AMD1: variants seen among roughly 807,000 people sequenced by gnomAD.
The protein encoded by AMD1 is adenosylmethionine decarboxylase 1.
In AMD1, 11 loss-of-function variants were observed where a neutral mutation model predicts 40.2. The ratio of observed to expected loss-of-function variants is 0.27; its 90% CI spans 0.17 to 0.45. The LOEUF (loss-of-function observed/expected upper bound fraction) is 0.45. Ranked by LOEUF, AMD1 falls within the 20% of genes least tolerant of loss-of-function variation. The probability of loss-of-function intolerance (pLI) is 1.00; values close to 1 mark genes in which losing one functional copy is unlikely to be tolerated. For missense variants in AMD1, 257 were observed against 410.2 expected (o/e 0.63, Z 3.23); for synonymous variants, 121 against 130.8 (o/e 0.93, Z 0.51).
At chr6:110,840,011 CTCTTTTTTTTTTTT>C in the AMD1 span, among the ~76,000 whole-genome samples, 2 of 139,274 alleles carry the variant, frequency 1.4e-5, no homozygotes, top group Non-Finnish European at 3.1e-5. Context: ...AGGATTCTCT[CTCTTTTTTTTTTTT>C]TTTTTTTTTT....
At chr6:110,862,393 C>T in the AMD1 span, among the ~76,000 whole-genome samples, 3 of 140,088 alleles carry the variant, frequency 2.1e-5, no homozygotes, top group Non-Finnish European at 3.1e-5. Context: ...TAATGATGGT[C>T]TTTTATCCTT....
chr6:110,850,495 C>T, the AMD1 span, among the ~76,000 whole-genome samples: 1 of 152,168 alleles, frequency 6.6e-6, no homozygotes, highest in Non-Finnish European at 1.5e-5. Flanking sequence ...TGAAGACCCA[C>T]CCCAACCATC....
At chr6:110,826,165 T>TA in the AMD1 span, among the ~76,000 whole-genome samples, 193 of 94,312 alleles carry the variant, frequency 2.0e-3, 1 homozygote, top group Middle Eastern at 7.5e-3. Context: ...CCTGTCTCAT[T>TA]AAAAAAAAAA....
the AMD1 span, chr6:110,814,731 C>A: frequency 2.4e-5 from 15 of 619,014 alleles, no homozygotes; most frequent in African/African-American, 1.8e-4. Context: ...CAACTCGAGT[C>A]CCCCCGCCGT....
upstream of AMD1, among the ~76,000 whole-genome samples, chr6:110,871,077 C>T (rs76971811): frequency 0.015 from 2,269 of 152,158 alleles, 31 homozygotes; most frequent in Non-Finnish European, 0.023. Flanking sequence ...CAGGTCAGTA[C>T]GGATGGAGTA....
intron 1 of AMD1, among the ~76,000 whole-genome samples, chr6:110,880,349 T>G (rs1208388581): frequency 6.6e-6 from 1 of 152,232 alleles, no homozygotes; most frequent in Non-Finnish European, 1.5e-5. Context: ...TTTCTTTTGA[T>G]GTATAGAAAT....
the AMD1 span, among the ~76,000 whole-genome samples, chr6:110,860,499 TA>T: frequency 2.0e-5 from 3 of 151,096 alleles, no homozygotes; most frequent in African/African-American, 4.9e-5. Flanking sequence ...TCTATGTGAT[TA>T]AAAAAAAACA....
chr6:110,814,739 C>T, the AMD1 span: 2 of 632,966 alleles, frequency 3.2e-6, no homozygotes, highest in Non-Finnish European at 5.9e-6. Context: ...GTCCCCCCGC[C>T]GTCTCCGAGC....
In AMD1 at chr6:110,893,600, A is replaced by T. The variant is rs771319367; in HGVS notation, c.989A>T (p.Gln330Leu). Residue 330 changes from glutamine (Q) to leucine (L), a missense_variant, in exon 9 of 9, where the codon CAA (glutamine) becomes CTA (leucine). Gln to Leu is a moderately radical substitution (Grantham distance 113, BLOSUM62 -2). This residue lies in a region of AMD1 where 192 missense variants were observed against 296.5 expected (regional missense o/e 0.65). Transcript: ENST00000368885. The stretch of plus-strand genomic sequence containing the variant: ...TTTACCAGTTTTGCTAAGAAGCAGC[A>T]ACAACAGCAGAGTTGATTAAGAAAA... Reference protein sequence around the residue: ...FVFTSFAKKQQQQQS With the variant: ...FVFTSFAKKQLQQQS 6 of 1,613,794 alleles carry T rather than the reference A, an allele frequency of 3.7e-6. No individual in the cohort carries two copies. The highest frequency in any genetic ancestry group is 5.1e-6 in the Non-Finnish European group (6 of 1,179,968).
intron 3 of AMD1, 78 bp from the exon 4 acceptor site, chr6:110,890,176 G>C: frequency 7.2e-6 from 8 of 1,116,368 alleles, no homozygotes; most frequent in Non-Finnish European, 1.0e-5. Flanking sequence ...GTGGACAATA[G>C]TTGATTAGCT....
chr6:110,863,871 C>T, the AMD1 span: 2 of 454,768 alleles, frequency 4.4e-6, no homozygotes, highest in Non-Finnish European at 8.6e-6. Context: ...TAGCCAAGAA[C>T]AAATAAAGAG....
At chr6:110,838,752 G>A in the AMD1 span, among the ~76,000 whole-genome samples, 15 of 152,044 alleles carry the variant, frequency 9.9e-5, no homozygotes, top group Non-Finnish European at 1.5e-4. Flanking sequence ...CGAGCAACTC[G>A]AGAGGCTGAG....
chr6:110,867,460 T>TA, the AMD1 span, among the ~76,000 whole-genome samples: 4 of 152,104 alleles, frequency 2.6e-5, no homozygotes. Flanking sequence ...GGTCAGGAGT[T>TA]AGAGACCAGC....
chr6:110,871,876 GAGGTAGGTCACCT>G (rs1784923884), upstream of AMD1, among the ~76,000 whole-genome samples: 3 of 152,338 alleles, frequency 2.0e-5, no homozygotes, highest in South Asian at 6.2e-4. Flanking sequence ...TGGACTGGAT[GAGGTAGGTCACCT>G]AGGGAGAAAA....
the AMD1 span, among the ~76,000 whole-genome samples, chr6:110,818,816 G>A: frequency 6.6e-6 from 1 of 152,214 alleles, no homozygotes; most frequent in Admixed American, 6.5e-5. Context: ...GGGATTATAG[G>A]CGCGAGCCTA....
At chr6:110,881,399 C>A (rs1785403671) in intron 1 of AMD1, among the ~76,000 whole-genome samples, 1 of 152,122 alleles carries the variant, frequency 6.6e-6, no homozygotes, top group Non-Finnish European at 1.5e-5. Flanking sequence ...AAAATTACTA[C>A]AAGTTGAGAA....
In AMD1 at chr6:110,875,038, G is replaced by A; in HGVS notation, c.-68G>A. 1 of 1,272,904 alleles carries A rather than the reference G, an allele frequency of 7.9e-7. No individual in the cohort carries two copies. The highest frequency in any genetic ancestry group is 1.1e-6 in the Non-Finnish European group (1 of 901,172). 78.9% of individuals were successfully genotyped at this position (1,272,904 alleles called of 1,614,324 possible). A position where few individuals can be genotyped will look rare whatever the true frequency, so the allele number is the denominator to read the frequency against. On this transcript the variant is annotated 5_prime_UTR_variant, in exon 1 of 9. Transcript: ENST00000368885. ...GGAACAATCCGCAGCGGCGGCGGCA[G>A]CGGCGGGAGAAGAGGTTTAATTTAG...
chr6:110,865,212 T>G, the AMD1 span, among the ~76,000 whole-genome samples: 1 of 152,228 alleles, frequency 6.6e-6, no homozygotes, highest in East Asian at 1.9e-4. Flanking sequence ...TTTCTTGCTT[T>G]TCTTAGGACA....
chr6:110,819,895 T>G, the AMD1 span, among the ~76,000 whole-genome samples: 1 of 152,186 alleles, frequency 6.6e-6, no homozygotes, highest in Admixed American at 6.5e-5. Context: ...GTCTCCTTGT[T>G]GCCCATTATA....
Sources: allele counts gnomAD v4.1 joint callset (sites outside exome capture counted in the v4.1 genomes callset), GRCh38; gene constraint gnomAD v4.1.1; regional missense constraint gnomAD v4.1.1; transcripts MANE v1.5; gene names NCBI Gene and HGNC (gene_info 2026-07-23, HGNC 2026-07-21).